Variants in UPF2 observed in about 807,000 individuals in gnomAD.
UPF2 encodes UPF2 regulator of nonsense mediated mRNA decay.
Under a neutral mutation model 141.4 loss-of-function variants are expected in UPF2, and 17 were observed. That is an observed-to-expected ratio of 0.12 (90% CI 0.08 to 0.18). The LOEUF is 0.18. Ranked by LOEUF, UPF2 falls within the 10% of genes least tolerant of loss-of-function variation. UPF2 has a pLI of 1.00. For missense variants in UPF2, 1,152 were observed against 1,515.9 expected, an observed-to-expected ratio of 0.76 and a Z score of 3.99; for synonymous variants, 540 against 498.0, an observed-to-expected ratio of 1.08 and a Z score of -1.12.
At chr10:12,025,148 A>G (rs1338372573) in intron 3 of UPF2, among the ~76,000 whole-genome samples, 1 of 152,106 alleles carries the variant, frequency 6.6e-6, no homozygotes, top group Non-Finnish European at 1.5e-5. Flanking sequence ...AAGCTATCCT[A>G]AGGCATGAGT....
chr10:11,996,151 C>G (rs1465562262), intron 8 of UPF2, among the ~76,000 whole-genome samples: 1 of 152,160 alleles, frequency 6.6e-6, no homozygotes, highest in East Asian at 1.9e-4. Context: ...TCACAGTACA[C>G]AGCAGACCCG....
At chr10:11,924,650 T>C (rs1832688611) in intron 21 of UPF2, among the ~76,000 whole-genome samples, 1 of 151,820 alleles carries the variant, frequency 6.6e-6, no homozygotes, top group Admixed American at 6.6e-5. Context: ...CAACCTGGAG[T>C]GCAGTGGTGT....
chr10:11,997,850 A>T, intron 7 of UPF2, 93 bp from the exon 8 acceptor site: 2 of 1,249,650 alleles, frequency 1.6e-6, no homozygotes, highest in Non-Finnish European at 2.3e-6. Context: ...ATTTGTTCTT[A>T]AACATTTCAA....
chr10:12,034,985 AAAT>A (rs1361661689), intron 2 of UPF2, 71 bp downstream of exon 2: 2 of 1,504,276 alleles, frequency 1.3e-6, no homozygotes, highest in African/African-American at 2.8e-5. Flanking sequence ...GCTATATTTC[AAAT>A]AATGTTTTTT....
chr10:12,019,265 CCA>C lies in UPF2; in HGVS notation c.1146-5083_1146-5082del, dbSNP rs1290044454. 1.3e-5 allele frequency among the ~76,000 whole-genome samples: 2 copies of C among 152,174 alleles called. No individual in the cohort carries two copies. The highest frequency in any genetic ancestry group is 4.8e-5 in the African/African-American group (2 of 41,434). ...CTCTGCTAACATAACACAAAAGCTG[CCA>C]CAGACAATATGTAAACAAATGAGGG... On this transcript the variant is annotated intron_variant, in intron 3 of 21. Coordinates refer to ENST00000357604, the MANE Select transcript of UPF2 (RefSeq NM_015542.4). This position sits in a 1 kb window ranked among gnomAD's most constrained non-coding sequence, Gnocchi z 4.5.
chr10:12,012,298 A>G (rs1004585417), intron 4 of UPF2, among the ~76,000 whole-genome samples: 3 of 151,912 alleles, frequency 2.0e-5, no homozygotes, highest in Non-Finnish European at 4.4e-5. Context: ...TCCTGACCTC[A>G]TGATCCACCT....
At chr10:11,945,067 T>C (rs990823109) in intron 16 of UPF2, among the ~76,000 whole-genome samples, 1 of 152,218 alleles carries the variant, frequency 6.6e-6, no homozygotes, top group African/African-American at 2.4e-5. Flanking sequence ...GCTCAGTAAA[T>C]AACTATTACT....
chr10:12,024,672 C>T (rs1412244445), intron 3 of UPF2, among the ~76,000 whole-genome samples: 1 of 151,854 alleles, frequency 6.6e-6, no homozygotes, highest in African/African-American at 2.4e-5. Context: ...GTGGCTCACA[C>T]CTATAATCCC....
At chr10:11,930,040 C>G in intron 20 of UPF2, 55 bp from the exon 21 acceptor site, 2 of 1,606,008 alleles carry the variant, frequency 1.2e-6, no homozygotes, top group Non-Finnish European at 1.7e-6. Flanking sequence ...ATGTACTCCT[C>G]CTACAGAGTG....
intron 9 of UPF2, among the ~76,000 whole-genome samples, chr10:11,978,483 T>C (rs1588548953): frequency 6.6e-6 from 1 of 152,194 alleles, no homozygotes. Flanking sequence ...AGTTTGTTCA[T>C]ACTTCTAGGG....
chr10:11,920,865 C>G lies in UPF2; in HGVS notation c.*433G>C, dbSNP rs534317213. On this transcript the variant is annotated 3_prime_UTR_variant, in exon 22 of 22. Coordinates refer to ENST00000357604, the MANE Select transcript of UPF2 (RefSeq NM_015542.4). ...AGCCCCCAAATGTATCTTCTTCCAACGTGGGATGTTCAATTCAGAGACACT... is the reference window on the plus strand; with the variant it reads ...AGCCCCCAAATGTATCTTCTTCCAAGGTGGGATGTTCAATTCAGAGACACT... The G allele has an allele frequency of 1.3e-5, 5 of 382,596 alleles. No homozygotes were observed. The highest frequency in any genetic ancestry group is 2.6e-5 in the Non-Finnish European group (5 of 189,018). 23.7% of individuals were successfully genotyped at this position (382,596 alleles called of 1,614,324 possible). A position where few individuals can be genotyped will look rare whatever the true frequency, so the allele number is the denominator to read the frequency against.
intron 1 of UPF2, among the ~76,000 whole-genome samples, chr10:12,037,568 G>A (rs1171538867): frequency 1.3e-5 from 2 of 150,938 alleles, no homozygotes; most frequent in Non-Finnish European, 2.9e-5. Context: ...GCTAATTTTT[G>A]TATTTTTAGT....
rs563886914 is a variant in UPF2, at chr10:11,945,844, T to C, written c.3174+2525A>G. Among the ~76,000 whole-genome samples the C allele has an allele frequency of 2.6e-5, 4 of 152,270 alleles. No homozygotes were observed. The East Asian group carries it at 7.7e-4, about 29-fold the overall frequency. On this transcript the variant is annotated intron_variant, in intron 16 of 21. Coordinates refer to ENST00000357604, the MANE Select transcript of UPF2 (RefSeq NM_015542.4). The stretch of plus-strand genomic sequence containing the variant: ...ACAGTAGCCAAATCCAAGACAACCA[T>C]AAGATTAGTCTGAAAATATGAAATG...
chr10:11,929,745 G>C, intron 21 of UPF2, 120 bp downstream of exon 21: 1 of 1,403,012 alleles, frequency 7.1e-7, no homozygotes, highest in Non-Finnish European at 9.6e-7. Flanking sequence ...AAATATCAAA[G>C]ACTTTTCTAT....
chr10:11,963,905 T>A, intron 11 of UPF2, 104 bp downstream of exon 11: 1 of 738,810 alleles, frequency 1.4e-6, no homozygotes. Flanking sequence ...ATGTTTGTAT[T>A]CATATGAAAG....
intron 4 of UPF2, among the ~76,000 whole-genome samples, chr10:12,009,048 T>C (rs1467943200): frequency 3.9e-5 from 6 of 152,172 alleles, no homozygotes; most frequent in Non-Finnish European, 8.8e-5. Context: ...TGCATAGTAT[T>C]CCATGGTGTA....
At position 11,992,069 on chromosome 10, in the gene UPF2, T is replaced by C. The variant is rs1199744889; in HGVS notation, c.1844+5603A>G. 6.6e-6 allele frequency among the ~76,000 whole-genome samples: 1 copy of C among 151,764 alleles called. No individual in the cohort carries two copies. Among genetic ancestry groups the C allele is most frequent in the Non-Finnish European group, 1.5e-5 (1 of 67,978 alleles). On this transcript the variant is annotated intron_variant, in intron 8 of 21. Transcript: ENST00000357604. The surrounding 1 kb of genome is among the most constrained non-coding windows in gnomAD (Gnocchi z 4.1). ...CCTGAGGCAGAAGAATCGCTTGAAC[T>C]GGAGGCAGAGGTTGCAGTGAGCCAA...
chr10:11,976,564 AT>A (rs1220518450), intron 9 of UPF2, among the ~76,000 whole-genome samples: 6 of 152,236 alleles, frequency 3.9e-5, no homozygotes, highest in African/African-American at 1.4e-4. Context: ...TTGGGGACTA[AT>A]TTAGCTCCAA....
rs1833886793 is a variant in UPF2 at position 11,997,737 on chromosome 10, C to A, written c.1779G>T (p.Met593Ile). 6.2e-7 allele frequency: 1 copy of A among 1,613,784 alleles called. No individual in the cohort carries two copies. Among genetic ancestry groups the A allele is most frequent in the East Asian group, 2.2e-5 (1 of 44,790 alleles). Residue 593 changes from methionine (M) to isoleucine (I), a missense_variant, in exon 8 of 22, where the codon ATG becomes ATT. This residue lies in a region of UPF2 where 739 missense variants were observed against 1,032.2 expected (regional missense o/e 0.72). Coordinates refer to ENST00000357604, the MANE Select transcript of UPF2 (RefSeq NM_015542.4). Reference sequence around the variant, plus strand: ...TCCTGTTTGCTTTTGTGTTCATGTTCATGCAAAAATCCATTGCTGCCTATT... The same window carrying A: ...TCCTGTTTGCTTTTGTGTTCATGTTAATGCAAAAATCCATTGCTGCCTATT... ...LIDKAAMDFC[M>I]NMNTKANRKK...
Sources: allele counts gnomAD v4.1 joint callset (sites outside exome capture counted in the v4.1 genomes callset), GRCh38; gene constraint gnomAD v4.1.1; regional missense constraint gnomAD v4.1.1; non-coding constraint Gnocchi (gnomAD v3.1); transcripts MANE v1.5; gene names NCBI Gene and HGNC (gene_info 2026-07-23, HGNC 2026-07-21).